The following TOX2 variants were observed in gnomAD, a reference collection of about 807,000 sequenced individuals.
TOX2 encodes the protein granulosa cell HMG box 1.
A neutral mutation model predicts 47.4 loss-of-function variants in TOX2; 15 were observed. That is an observed-to-expected ratio of 0.32 (90% CI 0.21 to 0.49). The LOEUF (loss-of-function observed/expected upper bound fraction) is 0.49, where lower values mean the gene tolerates loss of function less well. TOX2 is among the 20% of genes least tolerant of loss of function. The pLI is 0.99. For missense variants in TOX2, 622 were observed against 673.1 expected, an observed-to-expected ratio of 0.92 and a Z score of 0.84; for synonymous variants, 290 against 296.6, an observed-to-expected ratio of 0.98 and a Z score of 0.23.
chr20:43,953,972 C>T (rs1189812581), intron 1 of TOX2, among the ~76,000 whole-genome samples: 1 of 152,160 alleles, frequency 6.6e-6, no homozygotes, highest in African/African-American at 2.4e-5. Flanking sequence ...AAAGCTGAGA[C>T]TCAAAGAATG....
At chr20:43,949,646 C>T (rs1389551746) in intron 1 of TOX2, among the ~76,000 whole-genome samples, 3 of 152,144 alleles carry the variant, frequency 2.0e-5, no homozygotes, top group African/African-American at 4.8e-5. Context: ...ACTTTCAGAC[C>T]CCTTTGTCTG....
chr20:43,972,869 G>A (rs1315157181), intron 1 of TOX2, among the ~76,000 whole-genome samples: 1 of 152,228 alleles, frequency 6.6e-6, no homozygotes, highest in African/African-American at 2.4e-5. Flanking sequence ...GGCTGGGATG[G>A]CATAGGTGAT....
chr20:44,011,624 C>T (rs1408822947), intron 3 of TOX2, among the ~76,000 whole-genome samples: 1 of 152,228 alleles, frequency 6.6e-6, no homozygotes, highest in African/African-American at 2.4e-5. Context: ...TACCAGATGG[C>T]TGAGGGATGG....
At chr20:44,011,943 T>G (rs2070783403) in intron 3 of TOX2, among the ~76,000 whole-genome samples, 1 of 152,234 alleles carries the variant, frequency 6.6e-6, no homozygotes, top group South Asian at 2.1e-4. Context: ...CGAACCCCTT[T>G]TACAAAATTA....
chr20:44,047,021 G>C (rs1396609706), intron 3 of TOX2, among the ~76,000 whole-genome samples: 2 of 150,784 alleles, frequency 1.3e-5, no homozygotes, highest in Non-Finnish European at 2.9e-5. Context: ...TGATAACAAA[G>C]GATACATTAA....
chr20:43,935,462 T>A (rs570563567), intron 1 of TOX2, among the ~76,000 whole-genome samples: 1 of 152,236 alleles, frequency 6.6e-6, no homozygotes, highest in Non-Finnish European at 1.5e-5. Context: ...GAGGAACTAC[T>A]GTTCAGTGAA....
At chr20:44,002,466 A>G (rs2070600291) in intron 2 of TOX2, among the ~76,000 whole-genome samples, 1 of 152,160 alleles carries the variant, frequency 6.6e-6, no homozygotes, top group Non-Finnish European at 1.5e-5. Context: ...AGAAACTTAC[A>G]TGTTATTGAT....
chr20:44,000,097 C>T (rs983702834), intron 2 of TOX2, among the ~76,000 whole-genome samples: 5 of 152,082 alleles, frequency 3.3e-5, no homozygotes, highest in Non-Finnish European at 5.9e-5. Flanking sequence ...GAGATGATGA[C>T]GTCAGAGAGG....
intron 1 of TOX2, among the ~76,000 whole-genome samples, chr20:43,964,238 G>A (rs367796284): frequency 7.9e-5 from 12 of 152,282 alleles, no homozygotes; most frequent in Admixed American, 3.3e-4. Context: ...TACAGGGCCC[G>A]GGTCAGGCTG....
At chr20:43,973,237 G>C (rs2070009108) in intron 1 of TOX2, 130 bp from the exon 2 acceptor site, 1 of 830,378 alleles carries the variant, frequency 1.2e-6, no homozygotes, top group Non-Finnish European at 1.9e-6. Flanking sequence ...GGCATCCTGG[G>C]CTCTGATTTG....
chr20:43,918,256 G>T (rs1322602204), intron 1 of TOX2, among the ~76,000 whole-genome samples: 1 of 152,082 alleles, frequency 6.6e-6, no homozygotes, highest in Middle Eastern at 3.2e-3. Context: ...GGCAAGCCTG[G>T]GTTCAAATGT....
chr20:44,023,431 G>GGGAAAA (rs1555841868), intron 3 of TOX2, among the ~76,000 whole-genome samples: 7 of 119,148 alleles, frequency 5.9e-5, no homozygotes, highest in African/African-American at 1.4e-4. Flanking sequence ...CTTTATCTCA[G>GGGAAAA]AAAAAAAAAA....
chr20:44,052,225 C>T (rs2071525868), intron 4 of TOX2, among the ~76,000 whole-genome samples: 1 of 152,162 alleles, frequency 6.6e-6, no homozygotes. Flanking sequence ...AGTGGTTTGA[C>T]CTCCTCAAGA....
intron 2 of TOX2, among the ~76,000 whole-genome samples, chr20:43,988,750 A>G (rs1163199513): frequency 6.6e-6 from 1 of 152,190 alleles, no homozygotes; most frequent in African/African-American, 2.4e-5. Flanking sequence ...GTTTAGACAC[A>G]TTCACAAGCA....
chr20:43,934,611 T>C (rs997149681), intron 1 of TOX2, among the ~76,000 whole-genome samples: 37 of 152,008 alleles, frequency 2.4e-4, no homozygotes, highest in South Asian at 6.2e-4. Flanking sequence ...TAGAGGGGGC[T>C]GGGAGGACAC....
chr20:44,008,137 G>A (rs896895656), intron 3 of TOX2, among the ~76,000 whole-genome samples: 2 of 152,104 alleles, frequency 1.3e-5, no homozygotes, highest in Non-Finnish European at 2.9e-5. Flanking sequence ...AATAGCATGT[G>A]GTTCATGCTT....
chr20:44,038,195 A>G (rs188905628), intron 3 of TOX2, among the ~76,000 whole-genome samples: 175 of 152,354 alleles, frequency 1.1e-3, no homozygotes, highest in African/African-American at 3.8e-3. Context: ...CAGGAGTTCA[A>G]GAACAGCCTG....
rs73288905 is a variant in TOX2 at position 43,928,085 on chromosome 20, T to C, written c.99+13095T>C. On this transcript the variant is annotated intron_variant, in intron 1 of 8. Transcript: ENST00000341197. ...TGAAGGTGAGTAGAACTTGGCCAAG[T>C]GAAGAAGGTAGGGAAAAGCATTCCA... Among the ~76,000 whole-genome samples, 276 of 151,924 alleles carry C rather than the reference T, an allele frequency of 1.8e-3. 3 individuals are homozygous for C. Among genetic ancestry groups the C allele is most frequent in the African/African-American group, 6.3e-3 (260 of 41,416 alleles).
chr20:43,952,376 C>CA (rs1355596681), intron 1 of TOX2, among the ~76,000 whole-genome samples: 1 of 152,100 alleles, frequency 6.6e-6, no homozygotes, highest in African/African-American at 2.4e-5. Flanking sequence ...GCTGCCGTAA[C>CA]AACCCCCTGA....
Sources: allele counts gnomAD v4.1 joint callset (sites outside exome capture counted in the v4.1 genomes callset), GRCh38; gene constraint gnomAD v4.1.1; transcripts MANE v1.5; gene names NCBI Gene and HGNC (gene_info 2026-07-23, HGNC 2026-07-21).